GOLGA3: variants seen among roughly 807,000 people sequenced by gnomAD.
GOLGA3 encodes golgin subfamily A member 3.
A neutral mutation model predicts 169.4 loss-of-function variants in GOLGA3; 75 were observed. That is an observed-to-expected ratio of 0.44 (90% confidence interval 0.37 to 0.54). The LOEUF is 0.54. Ranked by LOEUF, GOLGA3 falls within the 20% of genes least tolerant of loss-of-function variation. The pLI, the probability that GOLGA3 is intolerant of heterozygous loss-of-function variation, is 0.00. For synonymous variants in GOLGA3, 824 were observed against 822.4 expected (o/e 1.00, Z -0.03); for missense variants, 1,899 against 1,930.0 (o/e 0.98, Z 0.30).
intron 1 of GOLGA3, chr12:132,827,885 C>T (rs1360586267): frequency 6.8e-6 from 1 of 147,374 alleles, no homozygotes; most frequent in Non-Finnish European, 1.5e-5. Flanking sequence ...CTGGGCAATA[C>T]AGCAACACAC....
intron 8 of GOLGA3, among the ~76,000 whole-genome samples, chr12:132,800,415 AC>A (rs2136515213): frequency 6.6e-6 from 1 of 151,788 alleles, no homozygotes; most frequent in Non-Finnish European, 1.5e-5. Flanking sequence ...AATCACTTGA[AC>A]CCAGGAGACA....
At chr12:132,824,232 C>A (rs986271233) in intron 1 of GOLGA3, among the ~76,000 whole-genome samples, 7 of 152,162 alleles carry the variant, frequency 4.6e-5, no homozygotes, top group Non-Finnish European at 2.9e-5. Context: ...AAAGAGGAAA[C>A]CTATGGGTGG....
At chr12:132,806,977 G>A (rs1164861199) in intron 6 of GOLGA3, among the ~76,000 whole-genome samples, 200 bp downstream of exon 6, 6 of 151,914 alleles carry the variant, frequency 3.9e-5, no homozygotes, top group Non-Finnish European at 7.4e-5. Flanking sequence ...ACACGCCCAT[G>A]CACGATGAGG....
chr12:132,774,028 T>TC (rs1439603504), intron 23 of GOLGA3, 129 bp downstream of exon 23: 2 of 775,674 alleles, frequency 2.6e-6, no homozygotes, highest in African/African-American at 3.5e-5. Flanking sequence ...TGTATGCGAG[T>TC]CCCCCACCCT....
chr12:132,780,897 C>T lies in GOLGA3; in HGVS notation c.3483G>A (p.Gln1161=). 1.2e-6 allele frequency: 2 copies of T among 1,611,104 alleles called. No individual in the cohort carries two copies. The highest frequency in any genetic ancestry group is 2.2e-5 in the South Asian group (2 of 91,084). ...QLNLQVQAVL[Q]RKEEEDRQMK... is the part of the protein sequence containing the mutation. Reference sequence around the variant, plus strand: ...TCTGGCGATCCTCCTCTTCTTTGCGCTGCAAAACTGCCTGCACCTAGATCA... The same window carrying T: ...TCTGGCGATCCTCCTCTTCTTTGCGTTGCAAAACTGCCTGCACCTAGATCA... Residue 1161 remains glutamine, a synonymous_variant, in exon 18 of 24, where the codon CAG becomes CAA. Transcript: ENST00000450791.
At position 132,808,567 on chromosome 12, in the gene GOLGA3, G is replaced by A. The variant is rs779449262; in HGVS notation, c.520-18C>T. 7 of 1,549,314 alleles carry A rather than the reference G, an allele frequency of 4.5e-6. No homozygotes were observed. The highest frequency in any genetic ancestry group is 2.1e-5 in the Admixed American group (1 of 47,914). On this transcript the variant is annotated intron_variant, in intron 4 of 23. Transcript: ENST00000450791. The stretch of plus-strand genomic sequence containing the variant: ...TGACTGGACTGAGAAGAAAACAAAA[G>A]TACAAAAATTACATTTAAAATCCAC...
chr12:132,825,722 C>A lies in GOLGA3; in HGVS notation c.-184+3081G>T, dbSNP rs1481034579. 19 of 1,527,748 alleles carry A rather than the reference C, an allele frequency of 1.2e-5. No homozygotes were observed. In the Admixed American group the frequency reaches 2.8e-4, roughly 23 times the overall value. 94.6% of individuals were successfully genotyped at this position (1,527,748 alleles called of 1,614,324 possible). On this transcript the variant is annotated intron_variant, in intron 1 of 23. Transcript: ENST00000450791. ...GAAGATGGCGGACATTCAGACTGAG[C>A]GTGCCTACCAAAAGCAGCCGACCAT...
At chr12:132,806,909 T>G (rs555575122) in intron 6 of GOLGA3, among the ~76,000 whole-genome samples, 2 of 152,128 alleles carry the variant, frequency 1.3e-5, no homozygotes, top group East Asian at 3.9e-4. Flanking sequence ...AATTTGACTC[T>G]TATGGACTGT....
chr12:132,786,315 C>G (rs375340887), intron 15 of GOLGA3, 24 bp downstream of exon 15: 2 of 1,511,420 alleles, frequency 1.3e-6, no homozygotes, highest in South Asian at 2.4e-5. Flanking sequence ...TGACCCTGGC[C>G]GGGGATGGCA....
At chr12:132,808,888 T>C (rs1289555754) in intron 4 of GOLGA3, among the ~76,000 whole-genome samples, 2 of 152,160 alleles carry the variant, frequency 1.3e-5, no homozygotes, top group African/African-American at 4.8e-5. Flanking sequence ...GGTCTCCCCC[T>C]GTGTGCGGCG....
chr12:132,779,893 TCA>T (rs1461006939), intron 18 of GOLGA3, among the ~76,000 whole-genome samples: 2 of 105,820 alleles, frequency 1.9e-5, no homozygotes, highest in African/African-American at 7.3e-5. Context: ...TGTACAGACA[TCA>T]CAACTCTTGC....
intron 1 of GOLGA3, chr12:132,827,512 T>A (rs190490201): frequency 6.6e-6 from 1 of 152,198 alleles, no homozygotes. Flanking sequence ...ACAGAGTCTG[T>A]CCCGTGTCCT....
At chr12:132,786,658 G>GGCC in intron 14 of GOLGA3, 35 bp downstream of exon 14, 1 of 1,342,428 alleles carries the variant, frequency 7.4e-7, no homozygotes, top group African/African-American at 1.5e-5. Flanking sequence ...CTCCCACCTG[G>GGCC]CCCCCGCACC....
In GOLGA3 at chr12:132,770,755, C is replaced by T. The variant is rs555351456; in HGVS notation, c.*2350G>A. ...GTTCAAGTGATTCTCCTGCCTCAGCCTCCCAAGTAGCTGGGATTATAGGTG... is the reference window on the plus strand; with the variant it reads ...GTTCAAGTGATTCTCCTGCCTCAGCTTCCCAAGTAGCTGGGATTATAGGTG... On this transcript the variant is annotated 3_prime_UTR_variant, in exon 24 of 24. Transcript: ENST00000450791. The T allele has an allele frequency of 1.3e-5, 2 of 152,392 alleles. No individual in the cohort carries two copies. The highest frequency in any genetic ancestry group is 2.9e-5 in the Non-Finnish European group (2 of 68,070). The allele number at this position is 152,392 out of a possible 1,614,324, so 9.4% of individuals were successfully genotyped here. A position where few individuals can be genotyped will look rare whatever the true frequency, so the allele number is the denominator to read the frequency against.
Position 132,769,552 on chromosome 12 carries a change from G to C in GOLGA3, c.*3553C>G, listed in dbSNP as rs781177358. The C allele has an allele frequency of 2.0e-5, 3 of 152,218 alleles. No individual in the cohort carries two copies. Among genetic ancestry groups the C allele is most frequent in the Admixed American group, 1.3e-4 (2 of 15,280 alleles). The allele number at this position is 152,218 out of a possible 1,614,324, so 9.4% of individuals were successfully genotyped here. ...AGAGAGTGGGAACGGGTGTGAGTCC[G>C]TAAGACCCGTAGCATCAATCTCACA... On this transcript the variant is annotated 3_prime_UTR_variant, in exon 24 of 24. Coordinates refer to ENST00000450791, the MANE Select transcript of GOLGA3 (RefSeq NM_001389683.1).
At chr12:132,823,800 G>A (rs1593406681) in intron 1 of GOLGA3, among the ~76,000 whole-genome samples, 1 of 138,526 alleles carries the variant, frequency 7.2e-6, no homozygotes, top group East Asian at 2.1e-4. Context: ...AAAAAAAAAA[G>A]GGCTGCGTGT....
chr12:132,783,287 G>A (rs1267886449), intron 16 of GOLGA3, among the ~76,000 whole-genome samples: 5 of 143,766 alleles, frequency 3.5e-5, no homozygotes, highest in Non-Finnish European at 7.7e-5. Context: ...TCGTGGTCAT[G>A]GTCAGTTGCT....
At chr12:132,807,022 TA>T (rs1262874256) in intron 6 of GOLGA3, among the ~76,000 whole-genome samples, 154 bp downstream of exon 6, 1 of 152,070 alleles carries the variant, frequency 6.6e-6, no homozygotes, top group African/African-American at 2.4e-5. Flanking sequence ...GGCTGACAAG[TA>T]GACAAAAAAC....
chr12:132,816,529 C>T lies in GOLGA3; in HGVS notation c.406+11G>A, dbSNP rs769920532. 26 of 1,608,070 alleles carry T rather than the reference C, an allele frequency of 1.6e-5. No homozygotes were observed. Among genetic ancestry groups the T allele is most frequent in the South Asian group, 9.9e-5 (9 of 90,998 alleles). On this transcript the variant is annotated intron_variant, in intron 3 of 23. Transcript: ENST00000450791. The stretch of plus-strand genomic sequence containing the variant: ...GTGGAGGGTGGGAAAAGCGGGGTAA[C>T]GGATGCTTACACAGTTGCGTTTCTT...
Sources: gnomAD v4.1 joint callset for allele counts (sites outside exome capture counted in the v4.1 genomes callset) on GRCh38, gnomAD v4.1.1 for gene constraint, MANE v1.5 for transcripts, NCBI Gene and HGNC (gene_info 2026-07-23, HGNC 2026-07-21) for gene names.